SYN3: variants seen among roughly 807,000 people sequenced by gnomAD.
SYN3 encodes synapsin III.
A neutral mutation model predicts 65.8 loss-of-function variants in SYN3; 35 were observed. The ratio of observed to expected loss-of-function variants is 0.53; its 90% CI spans 0.41 to 0.70. The LOEUF is 0.70. Among genes scored for constraint, SYN3 ranks in the 30% least tolerant of loss-of-function variants. The pLI is 0.00. For missense variants in SYN3, 680 were observed against 749.0 expected, an observed-to-expected ratio of 0.91 and a Z score of 1.08; for synonymous variants, 270 against 292.9, an observed-to-expected ratio of 0.92 and a Z score of 0.80.
intron 6 of SYN3, among the ~76,000 whole-genome samples, chr22:32,864,112 T>C (rs929763506): frequency 6.6e-6 from 1 of 152,202 alleles, no homozygotes; most frequent in African/African-American, 2.4e-5. Context: ...GCTTGGACTC[T>C]ACAAACAGCC....
chr22:32,671,547 G>T (rs1431419483), intron 6 of SYN3, among the ~76,000 whole-genome samples: 1 of 145,184 alleles, frequency 6.9e-6, no homozygotes, highest in African/African-American at 2.6e-5. Context: ...TCTCACGCAG[G>T]TGCACACACA....
chr22:32,745,843 G>A (rs1229311401), intron 6 of SYN3, among the ~76,000 whole-genome samples: 1 of 152,128 alleles, frequency 6.6e-6, no homozygotes, highest in African/African-American at 2.4e-5. Context: ...AGAGCGAGGA[G>A]GACAGAGGCA....
chr22:32,712,531 C>A (rs2060979970), intron 6 of SYN3, among the ~76,000 whole-genome samples: 1 of 152,188 alleles, frequency 6.6e-6, no homozygotes, highest in East Asian at 1.9e-4. Flanking sequence ...AGTGGCTTGG[C>A]CTCTTGTCAT....
intron 6 of SYN3, among the ~76,000 whole-genome samples, chr22:32,655,107 T>C (rs1281521334): frequency 6.6e-6 from 1 of 152,214 alleles, no homozygotes; most frequent in African/African-American, 2.4e-5. Flanking sequence ...GGTGATGGTA[T>C]GAAGAGATGG....
At chr22:33,002,858 C>T (rs1208560037) in intron 2 of SYN3, among the ~76,000 whole-genome samples, 1 of 152,090 alleles carries the variant, frequency 6.6e-6, no homozygotes, top group East Asian at 1.9e-4. Flanking sequence ...TGTGTACTCA[C>T]CCAAATCTTA....
intron 6 of SYN3, among the ~76,000 whole-genome samples, chr22:32,852,813 G>A (rs927217668): frequency 1.3e-5 from 2 of 152,190 alleles, no homozygotes; most frequent in African/African-American, 4.8e-5. Context: ...GAAATTAGCT[G>A]GGCTGTGGGG....
At chr22:32,543,392 T>C (rs749380114) in intron 7 of SYN3, among the ~76,000 whole-genome samples, 1 of 152,186 alleles carries the variant, frequency 6.6e-6, no homozygotes, top group African/African-American at 2.4e-5. Flanking sequence ...CAGGGGTCTG[T>C]AAGTAGGTGC....
intron 4 of SYN3, among the ~76,000 whole-genome samples, chr22:32,893,483 C>T (rs991109517): frequency 2.0e-5 from 3 of 152,188 alleles, no homozygotes; most frequent in Admixed American, 6.5e-5. Context: ...TTGTCTCCTG[C>T]AGGAGTCAAC....
intron 6 of SYN3, among the ~76,000 whole-genome samples, chr22:32,621,084 A>G (rs1488559214): frequency 6.6e-6 from 1 of 152,162 alleles, no homozygotes; most frequent in East Asian, 1.9e-4. Flanking sequence ...CTGCTAATGC[A>G]GAAGGGTTCT....
intron 4 of SYN3, among the ~76,000 whole-genome samples, chr22:32,923,786 C>T (rs2050396995): frequency 6.6e-6 from 1 of 152,158 alleles, no homozygotes; most frequent in African/African-American, 2.4e-5. Context: ...ATTATTTTGT[C>T]ACCCAGATAC....
rs985475461 is a variant in SYN3 at position 32,914,664 on chromosome 22, A to G, written c.461+16726T>C. On this transcript the variant is annotated intron_variant, in intron 4 of 13. Coordinates refer to ENST00000358763, the MANE Select transcript of SYN3 (RefSeq NM_003490.4). ...TCACCGTGTTAGCCATGAGGGTCTC[A>G]ATCTCCTGACCTTGTGATCCGCCCG... Among the ~76,000 whole-genome samples, 6 of 151,922 alleles carry G rather than the reference A, an allele frequency of 3.9e-5. 1 individual carries two copies. The highest frequency in any genetic ancestry group is 1.9e-4 in the East Asian group (1 of 5,140).
At chr22:33,028,051 G>A (rs1442285268) in intron 1 of SYN3, among the ~76,000 whole-genome samples, 1 of 152,200 alleles carries the variant, frequency 6.6e-6, no homozygotes, top group African/African-American at 2.4e-5. Flanking sequence ...CAGTGGTGGA[G>A]CTGGGATTCA....
intron 2 of SYN3, among the ~76,000 whole-genome samples, chr22:32,997,109 C>G (rs1476395352): frequency 6.6e-6 from 1 of 152,114 alleles, no homozygotes; most frequent in Non-Finnish European, 1.5e-5. Flanking sequence ...CCAGGCTAGC[C>G]CTTTGGATGG....
intron 6 of SYN3, among the ~76,000 whole-genome samples, chr22:32,723,022 G>C (rs2061141277): frequency 6.6e-6 from 1 of 152,156 alleles, no homozygotes; most frequent in African/African-American, 2.4e-5. Flanking sequence ...CCATTTCATT[G>C]ATGAGAAAAT....
rs955604592 is a variant in SYN3 at position 32,508,253 on chromosome 22, T to G, written c.*5439A>C. 5.3e-5 allele frequency among the ~76,000 whole-genome samples: 8 copies of G among 152,130 alleles called. No homozygotes were observed. The highest frequency in any genetic ancestry group is 1.2e-4 in the Non-Finnish European group (8 of 68,030). On this transcript the variant is annotated 3_prime_UTR_variant, in exon 14 of 14. Coordinates refer to ENST00000358763, the MANE Select transcript of SYN3 (RefSeq NM_003490.4). ...CACCTTAACTGAGTGATTAACCCTG[T>G]AAATTTCCTTCTTCTGGCTCAGAAG... is the stretch of plus-strand genomic sequence containing the variant.
At chr22:32,604,966 A>G (rs1015992661) in intron 6 of SYN3, among the ~76,000 whole-genome samples, 7 of 146,920 alleles carry the variant, frequency 4.8e-5, no homozygotes, top group East Asian at 4.0e-4. Flanking sequence ...AGATGGCGCC[A>G]CTGCACACCA....
intron 3 of SYN3, among the ~76,000 whole-genome samples, chr22:32,963,001 G>A (rs1010585874): frequency 1.1e-4 from 16 of 149,906 alleles, no homozygotes; most frequent in Non-Finnish European, 2.2e-4. Context: ...GTATGTATAT[G>A]TATATATACA....
chr22:32,587,242 A>AG (rs565168118), intron 7 of SYN3, among the ~76,000 whole-genome samples: 2,809 of 129,950 alleles, frequency 0.022, 47 homozygotes, highest in African/African-American at 0.048. Flanking sequence ...AAAAAAAAAA[A>AG]AGAGAGAGAG....
At chr22:32,887,369 G>A (rs1047434545) in intron 4 of SYN3, among the ~76,000 whole-genome samples, 3 of 151,630 alleles carry the variant, frequency 2.0e-5, no homozygotes, top group South Asian at 2.1e-4. Context: ...CAGCGAGACC[G>A]TGTCTCAGAA....
Sources: gnomAD v4.1 joint callset for allele counts (sites outside exome capture counted in the v4.1 genomes callset) on GRCh38, gnomAD v4.1.1 for gene constraint, MANE v1.5 for transcripts, NCBI Gene and HGNC (gene_info 2026-07-23, HGNC 2026-07-21) for gene names.